Variants in SLC6A11 observed in about 807,000 individuals in gnomAD.
SLC6A11 encodes the protein solute carrier family 6 member 11.
Under a neutral mutation model 74.8 loss-of-function variants are expected in SLC6A11, and 25 were observed. The ratio of observed to expected loss-of-function variants is 0.33; its 90% CI spans 0.24 to 0.47. The LOEUF (loss-of-function observed/expected upper bound fraction) is 0.47, where lower values mean the gene tolerates loss of function less well. Among genes scored for constraint, SLC6A11 ranks in the 20% least tolerant of loss-of-function variants. The pLI, the probability that SLC6A11 is intolerant of heterozygous loss-of-function variation, is 1.00. For synonymous variants in SLC6A11, 330 were observed against 330.2 expected (o/e 1.00, Z 0.01); for missense variants, 574 against 837.0 (o/e 0.69, Z 3.88).
intron 4 of SLC6A11, among the ~76,000 whole-genome samples, chr3:10,832,287 C>T (rs770460321): frequency 1.2e-4 from 18 of 152,114 alleles, no homozygotes; most frequent in Non-Finnish European, 2.2e-4. Context: ...GCCATTGTTA[C>T]TCCTCCCCAC....
At chr3:10,911,313 A>G (rs1054164923) in intron 6 of SLC6A11, among the ~76,000 whole-genome samples, 1 of 152,190 alleles carries the variant, frequency 6.6e-6, no homozygotes, top group African/African-American at 2.4e-5. Context: ...TTCCTTGGCA[A>G]CTTCTAGGGG....
chr3:10,888,809 G>A (rs1695074041), intron 6 of SLC6A11, among the ~76,000 whole-genome samples: 1 of 152,198 alleles, frequency 6.6e-6, no homozygotes, highest in South Asian at 2.1e-4. Context: ...TTGTTAGAAT[G>A]CCCACCTTAT....
Position 10,926,510 on chromosome 3 carries a change from T to C in SLC6A11, c.1233+394T>C, listed in dbSNP as rs922683042. ...CAGAGAGTGAGTTCCACAGCATGCATGTCCCCATCCCAACCCAATCATTGA... is the reference window on the plus strand; with the variant it reads ...CAGAGAGTGAGTTCCACAGCATGCACGTCCCCATCCCAACCCAATCATTGA... On this transcript the variant is annotated intron_variant, in intron 9 of 13. Coordinates refer to ENST00000254488, the MANE Select transcript of SLC6A11 (RefSeq NM_014229.3). This position sits in a 1 kb window ranked among gnomAD's most constrained non-coding sequence, Gnocchi z 5.7. 2.0e-5 allele frequency among the ~76,000 whole-genome samples: 3 copies of C among 152,144 alleles called. No homozygotes were observed. Among genetic ancestry groups the C allele is most frequent in the African/African-American group, 4.8e-5 (2 of 41,418 alleles).
At position 10,850,017 on chromosome 3, in the gene SLC6A11, C is replaced by T. The variant is rs146268178; in HGVS notation, c.756+5671C>T. ...ATCCCTGGATGTTTTTGTGCTTCTA[C>T]GGAAGCAATGTGGAGTCATTGCAGT... On this transcript the variant is annotated intron_variant, in intron 5 of 13. Coordinates refer to ENST00000254488, the MANE Select transcript of SLC6A11 (RefSeq NM_014229.3). 1.6e-3 allele frequency among the ~76,000 whole-genome samples: 239 copies of T among 152,078 alleles called. 3 individuals carry two copies. Among genetic ancestry groups the T allele is most frequent in the African/African-American group, 5.4e-3 (223 of 41,502 alleles).
At chr3:10,842,437 G>C (rs930519082) in intron 4 of SLC6A11, among the ~76,000 whole-genome samples, 1 of 152,136 alleles carries the variant, frequency 6.6e-6, no homozygotes. Context: ...AGGTGCCCAG[G>C]GATCATGCTC....
chr3:10,823,553 A>G, intron 4 of SLC6A11, 161 bp downstream of exon 4: 2 of 603,854 alleles, frequency 3.3e-6, no homozygotes, highest in Non-Finnish European at 6.0e-6. Flanking sequence ...AAGAGTGCAG[A>G]TCTTCAGAGG....
At chr3:10,913,869 A>G (rs1458770857) in intron 7 of SLC6A11, among the ~76,000 whole-genome samples, 4 of 151,754 alleles carry the variant, frequency 2.6e-5, no homozygotes, top group Non-Finnish European at 5.9e-5. Flanking sequence ...AATTTTTTGT[A>G]TTTTTAGTAG....
At chr3:10,852,695 A>C (rs912399568) in intron 5 of SLC6A11, among the ~76,000 whole-genome samples, 1 of 152,218 alleles carries the variant, frequency 6.6e-6, no homozygotes, top group African/African-American at 2.4e-5. Flanking sequence ...CCCCGTGCAC[A>C]TGGGTCTCCC....
intron 6 of SLC6A11, among the ~76,000 whole-genome samples, chr3:10,903,823 G>A (rs1402579135): frequency 1.3e-5 from 2 of 152,324 alleles, no homozygotes; most frequent in East Asian, 3.9e-4. Context: ...CAACTTCTGT[G>A]TGTGAGAGAG....
intron 4 of SLC6A11, among the ~76,000 whole-genome samples, chr3:10,839,836 G>C (rs1183657990): frequency 2.0e-5 from 3 of 152,118 alleles, no homozygotes; most frequent in Non-Finnish European, 4.4e-5. Flanking sequence ...CTTGCTCAGC[G>C]AAAGACCCAC....
At chr3:10,923,154 A>C (rs1351649706) in intron 8 of SLC6A11, among the ~76,000 whole-genome samples, 2 of 151,900 alleles carry the variant, frequency 1.3e-5, no homozygotes, top group Non-Finnish European at 2.9e-5. Context: ...TATATTTCCT[A>C]TCTTTGTGTG....
At chr3:10,867,918 G>A in intron 5 of SLC6A11, among the ~76,000 whole-genome samples, 1 of 152,112 alleles carries the variant, frequency 6.6e-6, no homozygotes, top group Non-Finnish European at 1.5e-5. Context: ...ATTTATTTTT[G>A]TAGTTACTTT....
At chr3:10,864,725 A>G (rs1694743432) in intron 5 of SLC6A11, among the ~76,000 whole-genome samples, 1 of 152,162 alleles carries the variant, frequency 6.6e-6, no homozygotes, top group Non-Finnish European at 1.5e-5. Flanking sequence ...ATCAGCCGCC[A>G]CAGTTAGGAC....
At chr3:10,852,987 C>T (rs1334594003) in intron 5 of SLC6A11, among the ~76,000 whole-genome samples, 3 of 152,216 alleles carry the variant, frequency 2.0e-5, no homozygotes, top group African/African-American at 7.2e-5. Context: ...CCTGCCCCGC[C>T]ACTTGCCAAC....
rs536744378 is a variant in SLC6A11, at chr3:10,918,766, A to G, written c.1120+313A>G. Among the ~76,000 whole-genome samples the G allele has an allele frequency of 3.3e-5, 5 of 151,734 alleles. No homozygotes were observed. Among genetic ancestry groups the G allele is most frequent in the African/African-American group, 1.2e-4 (5 of 41,386 alleles). ...TCACTGCTCACCTGGATGGCTCAGAAACCTTTCCCTGGACTCTGTGCCTCT... is the reference window on the plus strand; with the variant it reads ...TCACTGCTCACCTGGATGGCTCAGAGACCTTTCCCTGGACTCTGTGCCTCT... On this transcript the variant is annotated intron_variant, in intron 8 of 13. Coordinates refer to ENST00000254488, the MANE Select transcript of SLC6A11 (RefSeq NM_014229.3). The surrounding 1 kb of genome is among the most constrained non-coding windows in gnomAD (Gnocchi z 4.5).
At position 10,934,106 on chromosome 3, in the gene SLC6A11, C is replaced by T; in HGVS notation, c.1515C>T (p.Gly505=). The T allele has an allele frequency of 6.2e-7, 1 of 1,613,942 alleles. No individual in the cohort carries two copies. The highest frequency in any genetic ancestry group is 8.5e-7 in the Non-Finnish European group (1 of 1,179,842). ...ATGATAACATTGAAGACATGATTGG[C>T]TACCGGCCACCGTCGCTCATTAAGT... ...RFYDNIEDMI[G]YRPPSLIKWC... is the part of the protein sequence containing the mutation. The change falls in exon 12 of 14, where the codon GGC becomes GGT. Residue 505 remains glycine (G), a synonymous_variant. Transcript: ENST00000254488.
chr3:10,816,367 G>A lies in SLC6A11; in HGVS notation c.102G>A (p.Ala34=), dbSNP rs1575662286. 1 of 1,470,290 alleles carries A rather than the reference G, an allele frequency of 6.8e-7. No homozygotes were observed. The highest frequency in any genetic ancestry group is 9.0e-7 in the Non-Finnish European group (1 of 1,111,450). 91.1% of individuals were successfully genotyped at this position (1,470,290 alleles called of 1,614,324 possible). ...GCGGCTGCAGCAGCGGGGGCGCGGCGCCCGCGCGCCACCCGCGCGTCAAGC... is the reference window on the plus strand; with the variant it reads ...GCGGCTGCAGCAGCGGGGGCGCGGCACCCGCGCGCCACCCGCGCGTCAAGC... ...PGGGCSSGGA[A]PARHPRVKRD... is the part of the protein sequence containing the mutation. Residue 34 remains alanine, a synonymous_variant, in exon 1 of 14, where the codon GCG becomes GCA. Coordinates refer to ENST00000254488, the MANE Select transcript of SLC6A11 (RefSeq NM_014229.3). This position sits in a 1 kb window ranked among gnomAD's most constrained non-coding sequence, Gnocchi z 4.2.
chr3:10,820,750 C>T (rs1216163509), intron 3 of SLC6A11, among the ~76,000 whole-genome samples: 1 of 152,218 alleles, frequency 6.6e-6, no homozygotes, highest in African/African-American at 2.4e-5. Flanking sequence ...AATTGTAGCA[C>T]TCTTTCCTTC....
intron 6 of SLC6A11, among the ~76,000 whole-genome samples, chr3:10,900,708 G>C (rs1300388581): frequency 6.6e-6 from 1 of 152,218 alleles, no homozygotes; most frequent in African/African-American, 2.4e-5. Flanking sequence ...GGGGGGAGAT[G>C]ATGAGGCTTC....
Sources: allele counts gnomAD v4.1 joint callset (sites outside exome capture counted in the v4.1 genomes callset), GRCh38; gene constraint gnomAD v4.1.1; non-coding constraint Gnocchi (gnomAD v3.1); transcripts MANE v1.5; gene names NCBI Gene and HGNC (gene_info 2026-07-23, HGNC 2026-07-21).